The following CDH8 variants were observed in gnomAD, a reference collection of about 807,000 sequenced individuals.
CDH8 encodes cadherin 8.
A neutral mutation model predicts 68.1 loss-of-function variants in CDH8; 17 were observed. That is an observed-to-expected ratio of 0.25 (90% CI 0.17 to 0.37). The LOEUF (loss-of-function observed/expected upper bound fraction) is 0.37. Among genes scored for constraint, CDH8 ranks in the 10% least tolerant of loss-of-function variants. The probability of loss-of-function intolerance (pLI) is 1.00; values close to 1 mark genes in which losing one functional copy is unlikely to be tolerated. For missense variants in CDH8, 763 were observed against 999.3 expected, an observed-to-expected ratio of 0.76 and a Z score of 3.19; for synonymous variants, 372 against 365.1, an observed-to-expected ratio of 1.02 and a Z score of -0.21.
intron 8 of CDH8, among the ~76,000 whole-genome samples, chr16:61,744,266 A>G (rs1294590789): frequency 6.6e-6 from 1 of 152,140 alleles, no homozygotes; most frequent in Non-Finnish European, 1.5e-5. Context: ...TTTACTTTAT[A>G]TACTTGGCAA....
Position 61,878,029 on chromosome 16 carries a change from T to C in CDH8, c.548-20791A>G, listed in dbSNP as rs1170741665. Among the ~76,000 whole-genome samples, 6 of 152,328 alleles carry C rather than the reference T, an allele frequency of 3.9e-5. No individual in the cohort carries two copies. In the East Asian group the frequency reaches 1.2e-3, roughly 29 times the overall value. ...TACCATACCAAAGATGTATGAGTAA[T>C]GGTCCTGTCTTCACAGAACTGACCA... is the stretch of plus-strand genomic sequence containing the variant. On this transcript the variant is annotated intron_variant, in intron 3 of 11. Transcript: ENST00000577390.
intron 4 of CDH8, among the ~76,000 whole-genome samples, chr16:61,847,846 A>C (rs1962843323): frequency 6.6e-6 from 1 of 151,432 alleles, no homozygotes. Context: ...TCTATCAATC[A>C]ATCTGTCTGT....
intron 4 of CDH8, among the ~76,000 whole-genome samples, chr16:61,840,739 G>A (rs371883578): frequency 6.6e-6 from 1 of 152,116 alleles, no homozygotes; most frequent in South Asian, 2.1e-4. Context: ...ATAGACACAG[G>A]GAGGGAAACA....
intron 2 of CDH8, among the ~76,000 whole-genome samples, chr16:61,914,028 A>G (rs1964200121): frequency 6.6e-6 from 1 of 152,164 alleles, no homozygotes; most frequent in Non-Finnish European, 1.5e-5. Flanking sequence ...TCCTCATCCA[A>G]TCTGACTGGT....
At chr16:61,895,754 G>A (rs141601003) in intron 3 of CDH8, among the ~76,000 whole-genome samples, 4 of 152,134 alleles carry the variant, frequency 2.6e-5, no homozygotes, top group East Asian at 3.9e-4. Flanking sequence ...CCATGTATTC[G>A]TATTACACAG....
intron 10 of CDH8, among the ~76,000 whole-genome samples, chr16:61,656,285 T>C (rs1425010941): frequency 6.6e-6 from 1 of 152,206 alleles, no homozygotes; most frequent in African/African-American, 2.4e-5. Context: ...AAAATATTTC[T>C]TTTACAAAAA....
intron 8 of CDH8, among the ~76,000 whole-genome samples, chr16:61,752,013 G>A (rs1960180781): frequency 6.6e-6 from 1 of 152,014 alleles, no homozygotes; most frequent in African/African-American, 2.4e-5. Context: ...CACTTTCCTA[G>A]ATGTTAAGGA....
At chr16:61,860,207 C>T (rs1963125168) in intron 3 of CDH8, among the ~76,000 whole-genome samples, 1 of 152,094 alleles carries the variant, frequency 6.6e-6, no homozygotes, top group African/African-American at 2.4e-5. Context: ...CATAAGAGAA[C>T]ACAGTGTTCC....
intron 3 of CDH8, among the ~76,000 whole-genome samples, chr16:61,876,751 G>A (rs749595517): frequency 6.6e-6 from 1 of 151,846 alleles, no homozygotes; most frequent in Non-Finnish European, 1.5e-5. Flanking sequence ...CAACCACCAA[G>A]AACAAATTAC....
At chr16:61,669,776 A>G (rs954223659) in intron 10 of CDH8, among the ~76,000 whole-genome samples, 2 of 152,050 alleles carry the variant, frequency 1.3e-5, no homozygotes, top group Admixed American at 6.6e-5. Context: ...TGGCTCAGTC[A>G]AGAAGAAAAA....
At chr16:61,752,184 C>A (rs570372143) in intron 8 of CDH8, among the ~76,000 whole-genome samples, 1 of 152,056 alleles carries the variant, frequency 6.6e-6, no homozygotes, top group African/African-American at 2.4e-5. Flanking sequence ...TCAGGGTAGT[C>A]TTATTTCAGC....
chr16:61,777,582 G>C (rs770595750), intron 8 of CDH8, among the ~76,000 whole-genome samples: 4 of 152,106 alleles, frequency 2.6e-5, no homozygotes, highest in Admixed American at 6.6e-5. Flanking sequence ...CAATCCACGT[G>C]TTCTTTCTTA....
At chr16:61,873,288 G>A (rs1597033036) in intron 3 of CDH8, among the ~76,000 whole-genome samples, 1 of 152,140 alleles carries the variant, frequency 6.6e-6, no homozygotes, top group Admixed American at 6.5e-5. Context: ...CTTTTATTTG[G>A]TGGCATATCC....
chr16:61,945,587 G>C (rs1049868100), intron 2 of CDH8, among the ~76,000 whole-genome samples: 1 of 152,170 alleles, frequency 6.6e-6, no homozygotes, highest in Admixed American at 6.6e-5. Context: ...TTGCTTAAGA[G>C]TTAAGAACTT....
chr16:61,870,832 T>A (rs1963342572), intron 3 of CDH8, among the ~76,000 whole-genome samples: 5 of 152,122 alleles, frequency 3.3e-5, no homozygotes, highest in Admixed American at 3.3e-4. Context: ...CAATTGCCTG[T>A]TTTACTGTCA....
At chr16:61,900,859 T>C (rs1272709664) in intron 3 of CDH8, among the ~76,000 whole-genome samples, 1 of 152,222 alleles carries the variant, frequency 6.6e-6, no homozygotes, top group Non-Finnish European at 1.5e-5. Flanking sequence ...TAGCTTGGCA[T>C]GTTAGAACAA....
chr16:61,941,746 ATTTTG>A (rs1401632406), intron 2 of CDH8, among the ~76,000 whole-genome samples: 2 of 152,008 alleles, frequency 1.3e-5, no homozygotes, highest in East Asian at 3.9e-4. Flanking sequence ...CTGGCCTCCT[ATTTTG>A]TTTTGTTTTG....
chr16:61,743,578 T>A (rs917862481), intron 8 of CDH8: 2 of 152,248 alleles, frequency 1.3e-5, no homozygotes, highest in African/African-American at 4.8e-5. Context: ...CAAGGTTTTA[T>A]CAATTTTATT....
At chr16:61,753,928 T>G (rs1011844014) in intron 8 of CDH8, among the ~76,000 whole-genome samples, 1 of 152,094 alleles carries the variant, frequency 6.6e-6, no homozygotes, top group South Asian at 2.1e-4. Flanking sequence ...TGGATATTAT[T>G]ATATATTACT....
Sources: allele counts gnomAD v4.1 joint callset (sites outside exome capture counted in the v4.1 genomes callset), GRCh38; gene constraint gnomAD v4.1.1; transcripts MANE v1.5; gene names NCBI Gene and HGNC (gene_info 2026-07-23, HGNC 2026-07-21).